COL20A1: variants seen among roughly 807,000 people sequenced by gnomAD.
COL20A1 encodes the protein collagen type XX alpha 1 chain, also known as collagen alpha-1(XX) chain.
In COL20A1, 164 loss-of-function variants were observed where a neutral mutation model predicts 152.9. That is an observed-to-expected ratio of 1.07 (90% CI 0.94 to 1.22). COL20A1 has a LOEUF of 1.22. COL20A1 is among the 50% of genes most tolerant of loss of function. The probability of loss-of-function intolerance (pLI) is 0.00; values close to 1 mark genes in which losing one functional copy is unlikely to be tolerated. For missense variants in COL20A1, 1,873 were observed against 1,744.8 expected (o/e 1.07, Z -1.31); for synonymous variants, 864 against 756.0 (o/e 1.14, Z -2.34).
chr20:63,326,970 A>ACTTCCTGTTGACAG, intron 31 of COL20A1, 147 bp downstream of exon 31: 1 of 545,404 alleles, frequency 1.8e-6, no homozygotes, highest in Middle Eastern at 2.6e-4. Flanking sequence ...CAGCCCACAG[A>ACTTCCTGTTGACAG]CTTCCTGTTG....
intron 34 of COL20A1, 78 bp from the exon 35 acceptor site, chr20:63,329,507 A>T: frequency 1.8e-6 from 2 of 1,136,218 alleles, no homozygotes; most frequent in Non-Finnish European, 2.6e-6. Context: ...AGGGGCCCTG[A>T]CACCCTCTGT....
At chr20:63,294,703 C>T (rs1161639412) in intron 1 of COL20A1, among the ~76,000 whole-genome samples, 1 of 152,206 alleles carries the variant, frequency 6.6e-6, no homozygotes, top group Non-Finnish European at 1.5e-5. Flanking sequence ...GCCTGGAGAG[C>T]TCGCCCCTTG....
Position 63,319,224 on chromosome 20 carries a change from C to T in COL20A1, c.2806+24C>T. 1 of 1,606,324 alleles carries T rather than the reference C, an allele frequency of 6.2e-7. No individual in the cohort carries two copies. Among genetic ancestry groups the T allele is most frequent in the Non-Finnish European group, 8.5e-7 (1 of 1,176,778 alleles). The stretch of plus-strand genomic sequence containing the variant: ...TGGTGACGTGGGCCCCGCGTCGCCC[C>T]CAGCAGTCAGGAGGAGTAGGGGCAG... On this transcript the variant is annotated intron_variant, in intron 22 of 35. Transcript: ENST00000358894. This position sits in a 1 kb window ranked among gnomAD's most constrained non-coding sequence, Gnocchi z 4.4.
intron 2 of COL20A1, among the ~76,000 whole-genome samples, chr20:63,297,111 A>G (rs2067804264): frequency 1.3e-5 from 2 of 152,192 alleles, no homozygotes; most frequent in Admixed American, 6.5e-5. Flanking sequence ...ACACGTGCCA[A>G]TGTGCACACA....
At chr20:63,325,560 T>A in intron 28 of COL20A1, 66 bp downstream of exon 28, 2 of 1,474,060 alleles carry the variant, frequency 1.4e-6, no homozygotes, top group Non-Finnish European at 1.9e-6. Flanking sequence ...GGGATGGAGA[T>A]GGGGAGTGCC....
Position 63,319,418 on chromosome 20 carries a change from C to T in COL20A1, c.2807-69C>T, listed in dbSNP as rs547142492. The T allele has an allele frequency of 3.4e-5, 43 of 1,270,266 alleles. No individual in the cohort carries two copies. Among genetic ancestry groups the T allele is most frequent in the South Asian group, 2.4e-4 (18 of 74,370 alleles). 78.7% of individuals were successfully genotyped at this position (1,270,266 alleles called of 1,614,324 possible). A position where few individuals can be genotyped will look rare whatever the true frequency, so the allele number is the denominator to read the frequency against. ...GCTGCTCCTGTCCTGTCGTGGGGGC[C>T]GCCCTGCTCAAGGTATAGGCCCGGC... On this transcript the variant is annotated intron_variant, in intron 22 of 35. Coordinates refer to ENST00000358894, the MANE Select transcript of COL20A1 (RefSeq NM_020882.4). This position sits in a 1 kb window ranked among gnomAD's most constrained non-coding sequence, Gnocchi z 4.4.
Position 63,312,855 on chromosome 20 carries a change from C to G in COL20A1, c.1997C>G (p.Ala666Gly), listed in dbSNP as rs901862790. ...TELPGDAVQLAWVAAAPSGVL... is the reference protein window; with the variant it reads ...TELPGDAVQLGWVAAAPSGVL... ...CTGCCAGGGGATGCAGTCCAGCTGG[C>G]GTGGGTGGCCGCAGCCCCGTCTGGC... The change falls in exon 16 of 36, where the codon GCG becomes GGG. Residue 666 changes from alanine (A) to glycine (G), a missense_variant. Transcript: ENST00000358894. The G allele has an allele frequency of 1.9e-6, 3 of 1,556,670 alleles. No homozygotes were observed. The highest frequency in any genetic ancestry group is 2.6e-6 in the Non-Finnish European group (3 of 1,150,578).
intron 1 of COL20A1, 64 bp from the exon 2 acceptor site, chr20:63,295,034 G>T (rs557953966): frequency 9.5e-7 from 1 of 1,050,336 alleles, no homozygotes; most frequent in Non-Finnish European, 1.4e-6. Flanking sequence ...AAGCTCTGGC[G>T]TTGTGGTCAG....
chr20:63,320,367 C>T lies in COL20A1; in HGVS notation c.3152C>T (p.Ser1051Leu), dbSNP rs370691431. 136 of 1,610,756 alleles carry T rather than the reference C, an allele frequency of 8.4e-5. No homozygotes were observed. In the African/African-American group the frequency reaches 1.3e-3, roughly 15 times the overall value. ...GACCGGTGCTGTGAGCTCCCTGCCTCGGTGTGCCCCGTCCCTTGCCCCTGT... is the reference window on the plus strand; with the variant it reads ...GACCGGTGCTGTGAGCTCCCTGCCTTGGTGTGCCCCGTCCCTTGCCCCTGT... Reference protein sequence around the residue: ...DEDRCCELPASRDGETCPAFV... With the variant: ...DEDRCCELPALRDGETCPAFV... The change falls in exon 25 of 36, where the codon TCG becomes TTG. Residue 1051 changes from serine (S) to leucine (L), a missense_variant and splice_region_variant. Ser to Leu is a moderately radical substitution (Grantham distance 145). Coordinates refer to ENST00000358894, the MANE Select transcript of COL20A1 (RefSeq NM_020882.4).
rs572142691 is a variant in COL20A1 at position 63,307,474 on chromosome 20, G to C, written c.497-16G>C. 6.2e-7 allele frequency: 1 copy of C among 1,606,746 alleles called. No homozygotes were observed. Among genetic ancestry groups the C allele is most frequent in the Non-Finnish European group, 8.5e-7 (1 of 1,177,644 alleles). On this transcript the variant is annotated splice_polypyrimidine_tract_variant and intron_variant, in intron 5 of 35. Transcript: ENST00000358894. Reference sequence around the variant, plus strand: ...ATGGGCCTCACCTAGCACCTGACCCGCTCCCACCGCCCCAGCCGGCCCCCA... The same window carrying C: ...ATGGGCCTCACCTAGCACCTGACCCCCTCCCACCGCCCCAGCCGGCCCCCA...
At chr20:63,297,331 A>G (rs2067808503) in intron 2 of COL20A1, among the ~76,000 whole-genome samples, 1 of 150,188 alleles carries the variant, frequency 6.7e-6, no homozygotes, top group African/African-American at 2.5e-5. Flanking sequence ...CAGGGGACTT[A>G]GCTCAGGGGA....
intron 1 of COL20A1, 93 bp from the exon 2 acceptor site, chr20:63,295,004 TG>T: frequency 1.3e-6 from 1 of 772,210 alleles, no homozygotes; most frequent in Non-Finnish European, 2.1e-6. Context: ...ACAGGCTGCC[TG>T]GCCCTCGAGG....
In COL20A1 at chr20:63,311,058, G is replaced by A. The variant is rs1414136139; in HGVS notation, c.1394-336G>A. ...CCACCCCAAGCCACCTTCTGTCTCT[G>A]GATGTGCCTGTCCCAGACGTTTCCT... On this transcript the variant is annotated intron_variant, in intron 11 of 35. Coordinates refer to ENST00000358894, the MANE Select transcript of COL20A1 (RefSeq NM_020882.4). This position sits in a 1 kb window ranked among gnomAD's most constrained non-coding sequence, Gnocchi z 4.4. Among the ~76,000 whole-genome samples the A allele has an allele frequency of 1.3e-5, 2 of 151,192 alleles. No homozygotes were observed. The highest frequency in any genetic ancestry group is 4.9e-5 in the African/African-American group (2 of 41,028).
rs1006199053 is a variant in COL20A1, at chr20:63,297,785, C to A, written c.83-125C>A. ...CACCCTGGGTGGGCTTCTGTCTCTT[C>A]GGGGTCCCCCGGGATAGGACTGTGT... On this transcript the variant is annotated intron_variant, in intron 2 of 35. Transcript: ENST00000358894. 8.5e-6 allele frequency: 6 copies of A among 702,544 alleles called. No homozygotes were observed. The East Asian group carries it at 1.4e-4, about 17-fold the overall frequency. 43.5% of individuals were successfully genotyped at this position (702,544 alleles called of 1,614,324 possible). A position where few individuals can be genotyped will look rare whatever the true frequency, so the allele number is the denominator to read the frequency against.
At chr20:63,325,751 CAG>C in intron 29 of COL20A1, 30 bp downstream of exon 29, 1 of 1,603,542 alleles carries the variant, frequency 6.2e-7, no homozygotes. Context: ...AGGGTTCTGT[CAG>C]GGTGGTAGAG....
chr20:63,296,807 C>G (rs539153264), intron 2 of COL20A1, among the ~76,000 whole-genome samples: 2 of 152,298 alleles, frequency 1.3e-5, no homozygotes, highest in South Asian at 4.1e-4. Flanking sequence ...GCTGCCTGCT[C>G]TGAATGGGTC....
chr20:63,309,793 A>C lies in COL20A1; in HGVS notation c.1141A>C (p.Thr381Pro). 6.2e-7 allele frequency: 1 copy of C among 1,600,974 alleles called. No individual in the cohort carries two copies. Among genetic ancestry groups the C allele is most frequent in the Non-Finnish European group, 8.5e-7 (1 of 1,175,012 alleles). ...APALDTLPAP[T>P]SLVLSQVTSS... ...AGCCCTGGACACCCTCCCTGCCCCC[A>C]CCAGCCTGGTCCTGAGCCAGGTGAC... The change falls in exon 10 of 36, where the codon ACC becomes CCC. Residue 381 changes from threonine to proline, a missense_variant. Thr to Pro is a conservative substitution (Grantham distance 38). Coordinates refer to ENST00000358894, the MANE Select transcript of COL20A1 (RefSeq NM_020882.4).
rs2123422584 is a variant in COL20A1, at chr20:63,320,104, G to T, written c.2982G>T (p.Arg994=). Residue 994 remains arginine (R), a synonymous_variant, in exon 24 of 36, where the codon CGG becomes CGT. Coordinates refer to ENST00000358894, the MANE Select transcript of COL20A1 (RefSeq NM_020882.4). The stretch of plus-strand genomic sequence containing the variant: ...TGGACTGCCGGAAGGTGGCTGAGCG[G>T]CCCCTTGGGGAGATGGGCAGCCCAC... The part of the protein sequence containing the change: ...LYVDCRKVAE[R]PLGEMGSPPA... 2 of 1,551,508 alleles carry T rather than the reference G, an allele frequency of 1.3e-6. No individual in the cohort carries two copies.
chr20:63,313,629 TGTG>T lies in COL20A1; in HGVS notation c.2210-109_2210-107del, dbSNP rs1301599578. On this transcript the variant is annotated intron_variant, in intron 17 of 35. Coordinates refer to ENST00000358894, the MANE Select transcript of COL20A1 (RefSeq NM_020882.4). The surrounding 1 kb of genome is among the most constrained non-coding windows in gnomAD (Gnocchi z 5.9). ...GGGCTGTGGTAGGGGTGTGGCATGA[TGTG>T]GTGGAGGCATTACGCAGAGCAGGGT... 2 of 1,008,600 alleles carry T rather than the reference TGTG, an allele frequency of 2.0e-6. No individual in the cohort carries two copies. The highest frequency in any genetic ancestry group is 1.6e-5 in the African/African-American group (1 of 61,278). 62.5% of individuals were successfully genotyped at this position (1,008,600 alleles called of 1,614,324 possible).
Sources: gnomAD v4.1 joint callset for allele counts (sites outside exome capture counted in the v4.1 genomes callset) on GRCh38, gnomAD v4.1.1 for gene constraint, Gnocchi (gnomAD v3.1) non-coding constraint, MANE v1.5 for transcripts, NCBI Gene and HGNC (gene_info 2026-07-23, HGNC 2026-07-21) for gene names.